Variants in GRM8 observed in about 807,000 individuals in gnomAD.
GRM8 encodes the protein glutamate metabotropic receptor 8.
In GRM8, 47 loss-of-function variants were observed where a neutral mutation model predicts 87.2. The observed-to-expected ratio is 0.54, with a 90% CI of 0.43 to 0.69. The LOEUF (loss-of-function observed/expected upper bound fraction) is 0.69. Ranked by LOEUF, GRM8 falls within the 30% of genes least tolerant of loss-of-function variation. The pLI is 0.00. For synonymous variants in GRM8, 396 were observed against 404.5 expected (o/e 0.98, Z 0.25); for missense variants, 1,019 against 1,139.2 (o/e 0.89, Z 1.52).
chr7:127,047,175 G>C (rs975512906), intron 3 of GRM8, among the ~76,000 whole-genome samples: 1 of 152,158 alleles, frequency 6.6e-6, no homozygotes, highest in Admixed American at 6.5e-5. Context: ...ACACCCATCT[G>C]ATAACATATT....
chr7:126,759,571 C>A (rs896987588), intron 7 of GRM8, among the ~76,000 whole-genome samples: 1 of 152,146 alleles, frequency 6.6e-6, no homozygotes. Flanking sequence ...GGACCTGGCA[C>A]TGCTGAAAAT....
intron 2 of GRM8, among the ~76,000 whole-genome samples, chr7:127,199,490 C>T (rs780181068): frequency 3.9e-5 from 6 of 152,300 alleles, no homozygotes; most frequent in African/African-American, 1.2e-4. Flanking sequence ...AGAAGCAAGG[C>T]CTTTTCAAAT....
At chr7:127,079,834 AT>A (rs3216295) in intron 3 of GRM8, among the ~76,000 whole-genome samples, 4 of 151,370 alleles carry the variant, frequency 2.6e-5, no homozygotes, top group East Asian at 1.9e-4. Flanking sequence ...CTTCGTAGGT[AT>A]TTTTTTTTCC....
At chr7:126,880,974 A>C (rs1799969002) in intron 6 of GRM8, among the ~76,000 whole-genome samples, 1 of 152,218 alleles carries the variant, frequency 6.6e-6, no homozygotes. Flanking sequence ...TTCCCTATTA[A>C]GAAGAAACAA....
chr7:127,234,447 G>A (rs1034531501), intron 2 of GRM8, among the ~76,000 whole-genome samples: 4 of 152,172 alleles, frequency 2.6e-5, no homozygotes, highest in Admixed American at 2.6e-4. Context: ...CCACACAACA[G>A]CTGCTGTGAT....
At chr7:126,644,395 G>T (rs569702523) in intron 7 of GRM8, among the ~76,000 whole-genome samples, 1 of 152,204 alleles carries the variant, frequency 6.6e-6, no homozygotes, top group South Asian at 2.1e-4. Context: ...TAATTTTCAA[G>T]GCTTAAATAT....
intron 6 of GRM8, among the ~76,000 whole-genome samples, chr7:126,788,247 TAA>T (rs1820841195): frequency 6.6e-6 from 1 of 151,280 alleles, no homozygotes; most frequent in South Asian, 2.1e-4. Flanking sequence ...CCATCTCTAA[TAA>T]AAATACAAAA....
At chr7:126,769,799 TA>T (rs1273578202) in intron 7 of GRM8, 65 bp downstream of exon 7, 28 of 1,016,314 alleles carry the variant, frequency 2.8e-5, no homozygotes, top group Middle Eastern at 2.1e-4. Context: ...GTATCTTCTA[TA>T]TATAGGAGGA....
chr7:126,763,466 T>TAC (rs1478306327), intron 7 of GRM8, among the ~76,000 whole-genome samples: 86 of 82,606 alleles, frequency 1.0e-3, no homozygotes, highest in African/African-American at 3.3e-3. Context: ...TATATATATA[T>TAC]ATATATACAC....
At chr7:126,601,154 TC>T (rs1368096642) in intron 8 of GRM8, among the ~76,000 whole-genome samples, 3 of 148,316 alleles carry the variant, frequency 2.0e-5, no homozygotes, top group African/African-American at 7.5e-5. Context: ...ATTGTTCAAT[TC>T]CCACCTATGA....
intron 3 of GRM8, among the ~76,000 whole-genome samples, chr7:126,973,248 T>C (rs947533580): frequency 3.3e-5 from 5 of 152,196 alleles, no homozygotes; most frequent in Admixed American, 2.0e-4. Context: ...CCCCAGAGGA[T>C]GCTGATGCTG....
chr7:126,974,999 G>A (rs1189308499), intron 3 of GRM8, among the ~76,000 whole-genome samples: 6 of 144,238 alleles, frequency 4.2e-5, no homozygotes, highest in Non-Finnish European at 7.5e-5. Context: ...ACAGCTGCAA[G>A]TGGGACTCAA....
intron 6 of GRM8, among the ~76,000 whole-genome samples, chr7:126,777,805 A>T (rs576696260): frequency 6.6e-6 from 1 of 152,322 alleles, no homozygotes; most frequent in South Asian, 2.1e-4. Flanking sequence ...AACAAAAAAA[A>T]CTTCTTATGA....
chr7:127,123,273 G>T (rs925817466), intron 2 of GRM8, among the ~76,000 whole-genome samples: 1 of 152,076 alleles, frequency 6.6e-6, no homozygotes. Context: ...TTGAATGTTT[G>T]TCCCCTCCAA....
At chr7:126,727,737 A>ACC (rs887893280) in intron 7 of GRM8, among the ~76,000 whole-genome samples, 4 of 146,680 alleles carry the variant, frequency 2.7e-5, no homozygotes, top group African/African-American at 1.0e-4. Context: ...ACACACACAC[A>ACC]CACCCCTAAA....
In GRM8 at chr7:127,118,502, G is replaced by A. The variant is rs17864961; in HGVS notation, c.511-11790C>T. On this transcript the variant is annotated intron_variant, in intron 2 of 10. Coordinates refer to ENST00000339582, the MANE Select transcript of GRM8 (RefSeq NM_000845.3). The stretch of plus-strand genomic sequence containing the variant: ...TCTCTATAAGCCTTCTTTATGTGTC[G>A]TATTCCATAATGTGTGCGTATGTGT... Among the ~76,000 whole-genome samples the A allele has an allele frequency of 3.8e-3, 578 of 152,234 alleles. 3 individuals are homozygous for A. The highest frequency in any genetic ancestry group is 0.013 in the African/African-American group (552 of 41,536).
chr7:126,988,545 C>T (rs1027139066), intron 3 of GRM8, among the ~76,000 whole-genome samples: 1 of 152,122 alleles, frequency 6.6e-6, no homozygotes, highest in Non-Finnish European at 1.5e-5. Flanking sequence ...AATTATGTGC[C>T]TATTATGTGC....
intron 9 of GRM8, among the ~76,000 whole-genome samples, chr7:126,474,990 A>T (rs1242078287): frequency 6.6e-6 from 1 of 152,314 alleles, no homozygotes; most frequent in African/African-American, 2.4e-5. Flanking sequence ...TCAACATAAC[A>T]AATGCCATAT....
At chr7:127,105,571 C>T (rs1008224910) in intron 3 of GRM8, among the ~76,000 whole-genome samples, 4 of 152,096 alleles carry the variant, frequency 2.6e-5, no homozygotes, top group African/African-American at 4.8e-5. Context: ...TTCTCTGAGT[C>T]GAGGCCTCTA....
Sources: gnomAD v4.1 joint callset for allele counts (sites outside exome capture counted in the v4.1 genomes callset) on GRCh38, gnomAD v4.1.1 for gene constraint, MANE v1.5 for transcripts, NCBI Gene and HGNC (gene_info 2026-07-23, HGNC 2026-07-21) for gene names.